The following ZDHHC15 variants were observed in gnomAD, a reference collection of about 807,000 sequenced individuals.
ZDHHC15 encodes palmitoyltransferase ZDHHC15.
ZDHHC15 carries 19 observed loss-of-function variants against 31.7 expected under a neutral mutation model. The ratio of observed to expected loss-of-function variants is 0.60; its 90% CI spans 0.42 to 0.88. The LOEUF (loss-of-function observed/expected upper bound fraction) is 0.88, where lower values mean the gene tolerates loss of function less well. Ranked by LOEUF, ZDHHC15 falls within the 40% of genes least tolerant of loss-of-function variation. The pLI, the probability that ZDHHC15 is intolerant of heterozygous loss-of-function variation, is 0.00. For synonymous variants in ZDHHC15, 103 were observed against 90.0 expected (o/e 1.14, Z -0.82); for missense variants, 209 against 251.2 (o/e 0.83, Z 1.14).
intron 4 of ZDHHC15, among the ~76,000 whole-genome samples, chrX:75,449,140 C>A (rs762508847): frequency 9.5e-6 from 1 of 105,739 alleles, no homozygotes; most frequent in Admixed American, 1.0e-4. Flanking sequence ...GATGGCAGAC[C>A]GTGGGACTTC....
At chrX:75,519,861 A>G (rs1274663562) in intron 1 of ZDHHC15, among the ~76,000 whole-genome samples, 3 of 112,120 alleles carry the variant, frequency 2.7e-5, no homozygotes, top group African/African-American at 9.7e-5. Context: ...TGGTTCAGCC[A>G]GAGTTGAAAG....
At chrX:75,505,913 G>A (rs1219643387) in intron 1 of ZDHHC15, 66 bp from the exon 2 acceptor site, 7 of 950,174 alleles carry the variant, frequency 7.4e-6, no homozygotes, top group East Asian at 6.2e-5. Context: ...GAGAGAGAGA[G>A]AAATTAGTTA....
chrX:75,481,301 G>A (rs901709092), intron 2 of ZDHHC15, among the ~76,000 whole-genome samples: 1 of 111,446 alleles, frequency 9.0e-6, no homozygotes, highest in Middle Eastern at 4.2e-3. Flanking sequence ...GGGTAATGTG[G>A]TTAACCAATT....
intron 9 of ZDHHC15, among the ~76,000 whole-genome samples, chrX:75,419,482 C>T (rs1021165497): frequency 1.4e-4 from 15 of 110,780 alleles, no homozygotes; most frequent in African/African-American, 4.9e-4. Flanking sequence ...GAAATAGGAA[C>T]ACTTTTATAC....
chrX:75,464,529 A>T (rs945543836), intron 3 of ZDHHC15, among the ~76,000 whole-genome samples: 1 of 111,776 alleles, frequency 8.9e-6, no homozygotes, highest in African/African-American at 3.2e-5. Context: ...CATCAGGTCA[A>T]TATCCTTGAT....
chrX:75,510,533 CTTT>C (rs376283663), intron 1 of ZDHHC15, among the ~76,000 whole-genome samples: 1 of 69,322 alleles, frequency 1.4e-5, no homozygotes. Context: ...CGGAAAATTT[CTTT>C]TTTTTTTTTT....
At chrX:75,484,540 C>G (rs1253859464) in intron 2 of ZDHHC15, among the ~76,000 whole-genome samples, 1 of 111,836 alleles carries the variant, frequency 8.9e-6, no homozygotes, top group East Asian at 2.8e-4. Context: ...CTATCACCAC[C>G]ACCAACAAAA....
chrX:75,504,121 C>T (rs1186973617), intron 2 of ZDHHC15, among the ~76,000 whole-genome samples: 3 of 111,319 alleles, frequency 2.7e-5, no homozygotes, highest in Admixed American at 9.6e-5. Context: ...CAAATAAGGT[C>T]ACATTTACAA....
chrX:75,381,695 G>A (rs2083116713), intron 10 of ZDHHC15, among the ~76,000 whole-genome samples: 1 of 111,300 alleles, frequency 9.0e-6, no homozygotes, highest in African/African-American at 3.3e-5. Flanking sequence ...TAAGACTGTA[G>A]CCCACAACCA....
chrX:75,398,681 C>A lies in ZDHHC15; in HGVS notation c.967+18406G>T, dbSNP rs138436214. Among the ~76,000 whole-genome samples, 302 of 108,732 alleles carry A rather than the reference C, an allele frequency of 2.8e-3. 4 individuals carry two copies. The highest frequency in any genetic ancestry group is 0.021 in the East Asian group (72 of 3,353). The allele number at this position is 108,732 out of a possible 115,157, so 94.4% of individuals were successfully genotyped here. On this transcript the variant is annotated intron_variant, in intron 10 of 11. Transcript: ENST00000373367. ...CTCCCAACTGGGGCCTCCAGCTATC[C>A]CCACCCAAGCTCTCCAGCCAACAGA...
At chrX:75,493,563 A>G (rs1451199123) in intron 2 of ZDHHC15, among the ~76,000 whole-genome samples, 1 of 111,970 alleles carries the variant, frequency 8.9e-6, no homozygotes, top group African/African-American at 3.3e-5. Flanking sequence ...ATCCAGCAGC[A>G]CATCAAAAAG....
At chrX:75,490,603 C>A (rs924114283) in intron 2 of ZDHHC15, among the ~76,000 whole-genome samples, 6 of 111,647 alleles carry the variant, frequency 5.4e-5, no homozygotes, top group African/African-American at 2.0e-4. Flanking sequence ...TTTCATGATA[C>A]TGATTCGTCC....
At position 75,464,273 on chromosome X, in the gene ZDHHC15, C is replaced by T. The variant is rs189323360; in HGVS notation, c.259-13351G>A. Among the ~76,000 whole-genome samples, 17 of 110,211 alleles carry T rather than the reference C, an allele frequency of 1.5e-4. No homozygotes were observed. In the East Asian group the frequency reaches 3.5e-3, roughly 22 times the overall value. ...ACAGAGGAAGGGGAACGTCACACAC[C>T]GGGGCCTGTTGTGCGGTAGGGGAAG... On this transcript the variant is annotated intron_variant, in intron 3 of 11. Transcript: ENST00000373367.
At chrX:75,488,688 T>C (rs940823072) in intron 2 of ZDHHC15, among the ~76,000 whole-genome samples, 2 of 111,877 alleles carry the variant, frequency 1.8e-5, no homozygotes, top group African/African-American at 6.5e-5. Context: ...AGACGGGTGA[T>C]TGCTGCATTT....
intron 10 of ZDHHC15, among the ~76,000 whole-genome samples, chrX:75,391,021 A>G (rs1602553039): frequency 8.9e-6 from 1 of 111,990 alleles, no homozygotes; most frequent in East Asian, 2.8e-4. Context: ...TTAAAATGGG[A>G]TGGAAATAAT....
intron 2 of ZDHHC15, among the ~76,000 whole-genome samples, chrX:75,502,580 T>G (rs745368671): frequency 8.9e-6 from 1 of 111,923 alleles, no homozygotes; most frequent in East Asian, 2.8e-4. Flanking sequence ...TAATGGACCT[T>G]TTTGCAGAAG....
chrX:75,484,672 T>G (rs780550303), intron 2 of ZDHHC15, among the ~76,000 whole-genome samples: 11 of 112,016 alleles, frequency 9.8e-5, no homozygotes, highest in Admixed American at 1.9e-4. Context: ...TCTTATAAGG[T>G]TAATCATCCA....
chrX:75,414,426 CTTTT>C (rs1177332052), intron 10 of ZDHHC15, among the ~76,000 whole-genome samples: 1 of 66,203 alleles, frequency 1.5e-5, no homozygotes, highest in Non-Finnish European at 2.5e-5. Flanking sequence ...CATATTTTAT[CTTTT>C]TTTTTTTTTT....
intron 3 of ZDHHC15, among the ~76,000 whole-genome samples, chrX:75,454,567 C>T (rs1241485012): frequency 9.0e-6 from 1 of 111,214 alleles, no homozygotes; most frequent in Non-Finnish European, 1.9e-5. Flanking sequence ...AAAAGCATTC[C>T]TATTTCTCCA....
Sources: allele counts gnomAD v4.1 joint callset (sites outside exome capture counted in the v4.1 genomes callset), GRCh38; gene constraint gnomAD v4.1.1; transcripts MANE v1.5; gene names NCBI Gene and HGNC (gene_info 2026-07-23, HGNC 2026-07-21).